Variants in NHSL2 observed in about 807,000 individuals in gnomAD.
NHSL2 encodes NHS-like protein 2.
Under a neutral mutation model 53.4 loss-of-function variants are expected in NHSL2, and 27 were observed. The observed-to-expected ratio is 0.51, with a 90% CI of 0.37 to 0.70. The LOEUF (loss-of-function observed/expected upper bound fraction) is 0.70, where lower values mean the gene tolerates loss of function less well. Among genes scored for constraint, NHSL2 ranks in the 30% least tolerant of loss-of-function variants. NHSL2 has a pLI of 0.00. For missense variants in NHSL2, 892 were observed against 980.1 expected (o/e 0.91, Z 1.20); for synonymous variants, 408 against 404.1 (o/e 1.01, Z -0.12).
chrX:72,030,749 A>G (rs1356159282), intron 1 of NHSL2, among the ~76,000 whole-genome samples: 1 of 112,060 alleles, frequency 8.9e-6, no homozygotes, highest in African/African-American at 3.3e-5. Context: ...TGCTATGGCT[A>G]ATTTCGAGCT....
At chrX:72,060,371 C>T (rs1432510662) in intron 1 of NHSL2, among the ~76,000 whole-genome samples, 2 of 112,348 alleles carry the variant, frequency 1.8e-5, no homozygotes, top group Admixed American at 9.4e-5. Context: ...ACTCACACTA[C>T]CTCAGAAGTC....
At chrX:72,050,259 G>A (rs1416971497) in intron 1 of NHSL2, among the ~76,000 whole-genome samples, 1 of 111,295 alleles carries the variant, frequency 9.0e-6, no homozygotes, top group East Asian at 2.8e-4. Flanking sequence ...CTGACAGCCA[G>A]CAAAGGCGGG....
intron 1 of NHSL2, among the ~76,000 whole-genome samples, chrX:72,078,206 C>A (rs758197691): frequency 8.9e-6 from 1 of 112,447 alleles, no homozygotes; most frequent in South Asian, 3.6e-4. Context: ...TCTTCTTAGC[C>A]CCTATGCTAA....
intron 1 of NHSL2, among the ~76,000 whole-genome samples, chrX:72,115,530 C>T (rs894185583): frequency 3.6e-5 from 4 of 110,133 alleles, no homozygotes; most frequent in Non-Finnish European, 7.6e-5. Context: ...GCTACAGGCG[C>T]CAGGCAAGTG....
At chrX:72,013,002 AT>A (rs1284567313) in intron 1 of NHSL2, among the ~76,000 whole-genome samples, 7 of 112,491 alleles carry the variant, frequency 6.2e-5, no homozygotes, top group African/African-American at 2.3e-4. Context: ...CCTTTTCAAA[AT>A]TGTTTTGGCT....
chrX:72,044,795 T>A (rs1407508321), intron 1 of NHSL2: 17 of 1,103,825 alleles, frequency 1.5e-5, no homozygotes, highest in Non-Finnish European at 2.1e-5. Context: ...AGCAAAGTAG[T>A]CAGGAATCGA....
intron 1 of NHSL2, among the ~76,000 whole-genome samples, chrX:72,004,668 G>A (rs1447254981): frequency 9.7e-6 from 1 of 103,446 alleles, no homozygotes; most frequent in East Asian, 3.1e-4. Flanking sequence ...AACCACCCCC[G>A]CAGCCCCCTA....
intron 1 of NHSL2, among the ~76,000 whole-genome samples, chrX:71,993,880 A>AT (rs1235916207): frequency 6.3e-4 from 70 of 111,571 alleles, no homozygotes; most frequent in African/African-American, 2.1e-3. Context: ...AAAAAAAAAA[A>AT]ATATATGGCC....
At chrX:71,968,643 A>G (rs1455791416) in intron 1 of NHSL2, among the ~76,000 whole-genome samples, 1 of 111,564 alleles carries the variant, frequency 9.0e-6, no homozygotes, top group Non-Finnish European at 1.9e-5. Flanking sequence ...TCCATGTTTT[A>G]TTCTAAGAGT....
At chrX:72,115,110 G>A (rs1020559506) in intron 1 of NHSL2, among the ~76,000 whole-genome samples, 5 of 111,582 alleles carry the variant, frequency 4.5e-5, no homozygotes, top group African/African-American at 9.8e-5. Context: ...ATGAGGCAGA[G>A]TCTCAAAGCC....
At chrX:72,105,406 G>A (rs1262597796) in intron 1 of NHSL2, among the ~76,000 whole-genome samples, 1 of 111,268 alleles carries the variant, frequency 9.0e-6, no homozygotes, top group Non-Finnish European at 1.9e-5. Flanking sequence ...GGAGTCCCAG[G>A]GACAGGGAGT....
intron 1 of NHSL2, among the ~76,000 whole-genome samples, chrX:72,064,532 A>C (rs1223410581): frequency 8.9e-6 from 1 of 112,116 alleles, no homozygotes; most frequent in East Asian, 2.8e-4. Context: ...CTAAAGTGAC[A>C]GGGGTAGTTC....
At chrX:72,097,594 G>T (rs774072136) in intron 1 of NHSL2, among the ~76,000 whole-genome samples, 6 of 112,012 alleles carry the variant, frequency 5.4e-5, no homozygotes, top group Non-Finnish European at 1.1e-4. Flanking sequence ...ACATCAACAG[G>T]TCTTTCATTT....
chrX:72,136,245 A>C (rs2042354979), intron 4 of NHSL2, among the ~76,000 whole-genome samples: 1 of 111,523 alleles, frequency 9.0e-6, no homozygotes, highest in South Asian at 3.8e-4. Context: ...CTGACCTAGC[A>C]CTTTAAGAGA....
At chrX:72,110,146 AGGTAT>A (rs1437874886) in intron 1 of NHSL2, among the ~76,000 whole-genome samples, 1 of 111,584 alleles carries the variant, frequency 9.0e-6, no homozygotes, top group African/African-American at 3.3e-5. Flanking sequence ...GCTCAAAGTG[AGGTAT>A]GAAGACCAGC....
At chrX:72,050,886 C>A (rs1362411787) in intron 1 of NHSL2, among the ~76,000 whole-genome samples, 1 of 105,587 alleles carries the variant, frequency 9.5e-6, no homozygotes, top group Non-Finnish European at 1.9e-5. Context: ...AAGACTCCAT[C>A]TATCAAAAAA....
At position 72,152,354 on chromosome X, in the gene NHSL2, C is replaced by CGT. The variant is rs2042521892; in HGVS notation, c.*8781_*8782insTG. On this transcript the variant is annotated 3_prime_UTR_variant, in exon 8 of 8. Coordinates refer to ENST00000633930, the MANE Select transcript of NHSL2 (RefSeq NM_001013627.3). ...CCATACATGCGTGTGTGCATGCGCG[C>CGT]GCGCACACACACACACACACACACA... 5.0e-4 allele frequency: 1 copy of CGT among 1,993 alleles called. No homozygotes were observed. The highest frequency in any genetic ancestry group is 7.8e-4 in the African/African-American group (1 of 1,280). The allele number at this position is 1,993 out of a possible 1,213,427, so 0.2% of individuals were successfully genotyped here.
chrX:72,001,068 G>T (rs1248613685), intron 1 of NHSL2, among the ~76,000 whole-genome samples: 1 of 111,996 alleles, frequency 8.9e-6, no homozygotes, highest in East Asian at 2.8e-4. Context: ...ACACATCTCT[G>T]TGCTCTCCCT....
intron 1 of NHSL2, among the ~76,000 whole-genome samples, chrX:71,942,972 C>CTCTGTCTGTGTG (rs1220648470): frequency 2.7e-5 from 2 of 74,027 alleles, no homozygotes; most frequent in African/African-American, 1.1e-4. Flanking sequence ...CTCTCTCTCT[C>CTCTGTCTGTGTG]TGTGTGTGTG....
Sources: allele counts gnomAD v4.1 joint callset (sites outside exome capture counted in the v4.1 genomes callset), GRCh38; gene constraint gnomAD v4.1.1; transcripts MANE v1.5; gene names NCBI Gene and HGNC (gene_info 2026-07-23, HGNC 2026-07-21).